SCAPER: variants seen among roughly 807,000 people sequenced by gnomAD.
SCAPER encodes the protein S phase cyclin A-associated protein in the endoplasmic reticulum.
In SCAPER, 98 loss-of-function variants were observed where a neutral mutation model predicts 182.2. The ratio of observed to expected loss-of-function variants is 0.54; its 90% CI spans 0.46 to 0.64. The LOEUF (loss-of-function observed/expected upper bound fraction) is 0.64. Ranked by LOEUF, SCAPER falls within the 30% of genes least tolerant of loss-of-function variation. The probability of loss-of-function intolerance (pLI) is 0.00; values close to 1 mark genes in which losing one functional copy is unlikely to be tolerated. For missense variants in SCAPER, 1,432 were observed against 1,690.0 expected (o/e 0.85, Z 2.68); for synonymous variants, 605 against 564.6 (o/e 1.07, Z -1.01).
At position 76,706,265 on chromosome 15, in the gene SCAPER, T is replaced by C. The variant is rs111878511; in HGVS notation, c.2166-281A>G. ...AATATGGCATGTTGAAAACTATATT[T>C]ATCTCTATTCCCTTCCAAAAACTCA... On this transcript the variant is annotated intron_variant, in intron 17 of 31. Coordinates refer to ENST00000563290, the MANE Select transcript of SCAPER (RefSeq NM_020843.4). Among the ~76,000 whole-genome samples, 770 of 152,280 alleles carry C rather than the reference T, an allele frequency of 5.1e-3. 7 individuals carry two copies. The highest frequency in any genetic ancestry group is 8.1e-3 in the Non-Finnish European group (548 of 68,012).
intron 2 of SCAPER, 37 bp downstream of exon 2, chr15:76,883,775 C>CA (rs1395851362): frequency 6.8e-6 from 10 of 1,470,308 alleles, no homozygotes; most frequent in South Asian, 4.0e-5. Flanking sequence ...AAGAGAAAGG[C>CA]AAAAAAACTA....
chr15:76,728,623 G>A lies in SCAPER; in HGVS notation c.2137C>T (p.Arg713Cys), dbSNP rs763733575. 1.9e-6 allele frequency: 3 copies of A among 1,613,508 alleles called. No homozygotes were observed. Among genetic ancestry groups the A allele is most frequent in the Admixed American group, 1.7e-5 (1 of 59,972 alleles). ...EQQRQEKEKA[R>C]EDAARERARD... ...GCTCTTTCCCGGGCTGCATCCTCACGGGCTTTTTCCTTTTCTTGCCTCTGT... is the reference window on the plus strand; with the variant it reads ...GCTCTTTCCCGGGCTGCATCCTCACAGGCTTTTTCCTTTTCTTGCCTCTGT... Residue 713 changes from arginine (R) to cysteine (C), a missense_variant, in exon 17 of 32, where the codon CGT becomes TGT. Physicochemically the swap from Arg to Cys is radical, Grantham distance 180. This residue lies in a region of SCAPER where 88 missense variants were observed against 184.2 expected (regional missense o/e 0.48). Transcript: ENST00000563290.
chr15:76,616,605 G>A (rs1053416437), intron 22 of SCAPER, among the ~76,000 whole-genome samples: 8 of 151,962 alleles, frequency 5.3e-5, no homozygotes, highest in Non-Finnish European at 8.8e-5. Flanking sequence ...TTAATAATGA[G>A]TAAGATAGTA....
At chr15:76,580,565 G>T (rs2048192958) in intron 22 of SCAPER, among the ~76,000 whole-genome samples, 1 of 152,048 alleles carries the variant, frequency 6.6e-6, no homozygotes, top group Admixed American at 6.5e-5. Context: ...GGCTAGCCTG[G>T]ACAGGAAAGC....
chr15:76,495,296 G>C (rs1158021207), intron 24 of SCAPER, among the ~76,000 whole-genome samples: 1 of 152,100 alleles, frequency 6.6e-6, no homozygotes, highest in Non-Finnish European at 1.5e-5. Context: ...AGATGATGCA[G>C]ACCAGGCATG....
At chr15:76,589,850 A>G (rs2048974116) in intron 22 of SCAPER, among the ~76,000 whole-genome samples, 1 of 152,186 alleles carries the variant, frequency 6.6e-6, no homozygotes, top group East Asian at 1.9e-4. Flanking sequence ...GAGAGCCCAC[A>G]GGGTTTCTGC....
chr15:76,577,040 C>T (rs927988627), intron 22 of SCAPER: 4 of 152,194 alleles, frequency 2.6e-5, no homozygotes, highest in African/African-American at 9.7e-5. Flanking sequence ...ACCTATGAGA[C>T]CAGCCAGGGC....
At chr15:76,401,964 T>G (rs932460759) in intron 27 of SCAPER, among the ~76,000 whole-genome samples, 1 of 151,980 alleles carries the variant, frequency 6.6e-6, no homozygotes, top group African/African-American at 2.4e-5. Context: ...CCATCTCTAC[T>G]AAAAATACAA....
At chr15:76,794,765 T>C (rs2065213714) in intron 8 of SCAPER, among the ~76,000 whole-genome samples, 1 of 152,240 alleles carries the variant, frequency 6.6e-6, no homozygotes. Flanking sequence ...AACATCTATA[T>C]AATTCTTATG....
Position 76,663,910 on chromosome 15 carries a change from C to T in SCAPER, c.2645+1743G>A, listed in dbSNP as rs150642073. Among the ~76,000 whole-genome samples, 602 of 152,040 alleles carry T rather than the reference C, an allele frequency of 4.0e-3. 5 individuals are homozygous for T. The highest frequency in any genetic ancestry group is 0.012 in the African/African-American group (513 of 41,466). On this transcript the variant is annotated intron_variant, in intron 21 of 31. Transcript: ENST00000563290. ...ACAGTTAGTATGCATAGAATGGACA[C>T]AGATGGCAAAATATTAGAAGATAAA...
At chr15:76,477,153 C>T (rs776608989) in intron 24 of SCAPER, among the ~76,000 whole-genome samples, 7 of 152,004 alleles carry the variant, frequency 4.6e-5, no homozygotes, top group Non-Finnish European at 1.0e-4. Context: ...ACAGACTGAA[C>T]TAACATTGTG....
intron 22 of SCAPER, among the ~76,000 whole-genome samples, chr15:76,583,348 C>CT (rs1426811928): frequency 1.1e-5 from 1 of 94,292 alleles, no homozygotes; most frequent in Non-Finnish European, 2.0e-5. Flanking sequence ...GAGACTCCAT[C>CT]TCAAAAAAAA....
In SCAPER at chr15:76,606,883, A is replaced by ATCCCT. The variant is rs2050461971; in HGVS notation, c.2711+14876_2711+14880dup. Among the ~76,000 whole-genome samples the ATCCCT allele has an allele frequency of 3.9e-5, 6 of 152,202 alleles. No individual in the cohort carries two copies. The South Asian group carries it at 1.2e-3, about 32-fold the overall frequency. ...CCATTTGCTTGGTAGATCTTCTTCC[A>ATCCCT]TCCCTTTATTTTGAGCCTATGTGTA... On this transcript the variant is annotated intron_variant, in intron 22 of 31. Transcript: ENST00000563290.
intron 20 of SCAPER, among the ~76,000 whole-genome samples, chr15:76,692,655 C>T (rs963868488): frequency 1.4e-5 from 2 of 143,238 alleles, no homozygotes; most frequent in Admixed American, 1.5e-4. Flanking sequence ...TACCACTGCA[C>T]TCCAGCCTGG....
At chr15:76,802,465 G>T (rs2065868857) in intron 6 of SCAPER, among the ~76,000 whole-genome samples, 1 of 152,118 alleles carries the variant, frequency 6.6e-6, no homozygotes, top group Non-Finnish European at 1.5e-5. Flanking sequence ...CCAACGTAAG[G>T]GTAAAATTGC....
chr15:76,470,024 T>C (rs2050013527), intron 25 of SCAPER, among the ~76,000 whole-genome samples: 1 of 152,162 alleles, frequency 6.6e-6, no homozygotes, highest in Non-Finnish European at 1.5e-5. Context: ...TGTGCAACAG[T>C]TCCAGATCTG....
intron 26 of SCAPER, among the ~76,000 whole-genome samples, chr15:76,410,879 G>A (rs1221843110): frequency 7.2e-6 from 1 of 138,266 alleles, no homozygotes; most frequent in Non-Finnish European, 1.6e-5. Context: ...CACATCTCTT[G>A]TCTTCTTGCT....
chr15:76,378,570 A>G (rs1273949352), intron 28 of SCAPER, among the ~76,000 whole-genome samples: 1 of 152,230 alleles, frequency 6.6e-6, no homozygotes, highest in East Asian at 1.9e-4. Flanking sequence ...GATCACGTCC[A>G]TCTACATAAA....
At chr15:76,669,800 C>T (rs145477007) in intron 20 of SCAPER, among the ~76,000 whole-genome samples, 1 of 152,304 alleles carries the variant, frequency 6.6e-6, no homozygotes, top group African/African-American at 2.4e-5. Context: ...GCAGGCTAGT[C>T]TCCGACATGT....
Sources: allele counts gnomAD v4.1 joint callset (sites outside exome capture counted in the v4.1 genomes callset), GRCh38; gene constraint gnomAD v4.1.1; regional missense constraint gnomAD v4.1.1; transcripts MANE v1.5; gene names NCBI Gene and HGNC (gene_info 2026-07-23, HGNC 2026-07-21).